The following NAALADL2 variants were observed in gnomAD, a reference collection of about 807,000 sequenced individuals.
NAALADL2 encodes N-acetylated alpha-linked acidic dipeptidase like 2.
Under a neutral mutation model 87.2 loss-of-function variants are expected in NAALADL2, and 76 were observed. The ratio of observed to expected loss-of-function variants is 0.87; its 90% CI spans 0.72 to 1.05. The LOEUF is 1.05. NAALADL2 is among the 50% of genes least tolerant of loss of function. The pLI, the probability that NAALADL2 is intolerant of heterozygous loss-of-function variation, is 0.00. For synonymous variants in NAALADL2, 354 were observed against 331.0 expected, an observed-to-expected ratio of 1.07 and a Z score of -0.75; for missense variants, 1,089 against 945.8, an observed-to-expected ratio of 1.15 and a Z score of -1.99.
At chr3:175,544,721 T>C (rs1421549222) in intron 9 of NAALADL2, among the ~76,000 whole-genome samples, 1 of 152,276 alleles carries the variant, frequency 6.6e-6, no homozygotes, top group Non-Finnish European at 1.5e-5. Context: ...CTTTCACTCC[T>C]TTTCTCCTTT....
At chr3:174,638,419 A>C (rs1009953187) in intron 2 of NAALADL2, among the ~76,000 whole-genome samples, 20 of 152,116 alleles carry the variant, frequency 1.3e-4, no homozygotes, top group African/African-American at 4.6e-4. Context: ...AAGGACCCTA[A>C]CTCTGGCTGG....
chr3:175,734,172 C>CT (rs1343246848), intron 11 of NAALADL2, among the ~76,000 whole-genome samples: 1 of 152,184 alleles, frequency 6.6e-6, no homozygotes, highest in Admixed American at 6.5e-5. Context: ...CCCCACATTT[C>CT]TTTTTTGCAG....
At chr3:175,255,360 G>A (rs773758070) in intron 3 of NAALADL2, among the ~76,000 whole-genome samples, 2 of 152,168 alleles carry the variant, frequency 1.3e-5, no homozygotes, top group African/African-American at 2.4e-5. Flanking sequence ...GAAGTATTAT[G>A]TATGAAACTT....
chr3:174,458,006 G>A (rs1319419011), intron 1 of NAALADL2, among the ~76,000 whole-genome samples: 1 of 152,148 alleles, frequency 6.6e-6, no homozygotes, highest in Non-Finnish European at 1.5e-5. Context: ...AAGGTGGGAA[G>A]AGGGAGAGGA....
chr3:174,658,593 A>T (rs1050384904), intron 2 of NAALADL2, among the ~76,000 whole-genome samples: 1 of 152,116 alleles, frequency 6.6e-6, no homozygotes, highest in African/African-American at 2.4e-5. Flanking sequence ...CGAGATGTTT[A>T]TGAGTAGGGA....
chr3:174,926,171 AG>A (rs1478336860), intron 1 of NAALADL2, among the ~76,000 whole-genome samples: 1 of 152,202 alleles, frequency 6.6e-6, no homozygotes, highest in African/African-American at 2.4e-5. Context: ...AAGAGTAAAA[AG>A]AAATGAACAA....
At chr3:175,705,024 G>T (rs16826182) in intron 11 of NAALADL2, among the ~76,000 whole-genome samples, 2,615 of 152,294 alleles carry the variant, frequency 0.017, 46 homozygotes, top group South Asian at 0.06. Context: ...TCGGAGCCTT[G>T]TATGGAAAGA....
intron 2 of NAALADL2, among the ~76,000 whole-genome samples, chr3:174,632,239 A>C (rs775578526): frequency 5.3e-5 from 8 of 152,164 alleles, no homozygotes; most frequent in Admixed American, 3.3e-4. Context: ...GGATTGTTTA[A>C]AAACGCTAAA....
intron 2 of NAALADL2, among the ~76,000 whole-genome samples, chr3:175,195,827 T>C (rs1046090847): frequency 3.3e-5 from 5 of 151,932 alleles, no homozygotes; most frequent in Non-Finnish European, 7.4e-5. Context: ...TTCAATGGTA[T>C]AATCCTTCCA....
At chr3:174,784,125 T>G (rs1716320291) in intron 3 of NAALADL2, among the ~76,000 whole-genome samples, 1 of 152,210 alleles carries the variant, frequency 6.6e-6, no homozygotes, top group South Asian at 2.1e-4. Context: ...ATCTAATCAT[T>G]TTCTTGTTCT....
rs114493555 is a variant in NAALADL2, at chr3:175,510,896, T to A, written c.1653+39138T>A. 4.0e-3 allele frequency among the ~76,000 whole-genome samples: 614 copies of A among 152,228 alleles called. 5 individuals are homozygous for A. Among genetic ancestry groups the A allele is most frequent in the African/African-American group, 0.014 (568 of 41,542 alleles). On this transcript the variant is annotated intron_variant, in intron 9 of 13. Coordinates refer to ENST00000454872, the MANE Select transcript of NAALADL2 (RefSeq NM_207015.3). ...CTTGTGAAGAGTAATGGACTTAACA[T>A]GTCCACAGCTCTTAACAGGGTGCCT...
chr3:175,283,198 A>G (rs1754536087), intron 4 of NAALADL2, among the ~76,000 whole-genome samples: 1 of 152,132 alleles, frequency 6.6e-6, no homozygotes, highest in Admixed American at 6.6e-5. Flanking sequence ...TAAGTTTACA[A>G]TATACTAAAG....
At chr3:175,722,112 T>C (rs1742321396) in intron 11 of NAALADL2, among the ~76,000 whole-genome samples, 3 of 152,072 alleles carry the variant, frequency 2.0e-5, no homozygotes, top group Admixed American at 2.0e-4. Flanking sequence ...TTAATCCCAG[T>C]TCTGGTCTTG....
intron 9 of NAALADL2, among the ~76,000 whole-genome samples, chr3:175,575,075 T>G (rs1718667920): frequency 6.6e-6 from 1 of 152,168 alleles, no homozygotes; most frequent in Non-Finnish European, 1.5e-5. Context: ...TTCGTAAAGC[T>G]GCTGTCATTT....
intron 9 of NAALADL2, among the ~76,000 whole-genome samples, chr3:175,478,040 G>C (rs768262072): frequency 2.0e-5 from 3 of 152,002 alleles, no homozygotes; most frequent in African/African-American, 7.2e-5. Context: ...CTTCCTGTAA[G>C]ATATAACAGT....
intron 4 of NAALADL2, among the ~76,000 whole-genome samples, chr3:175,277,607 C>A (rs904418395): frequency 7.2e-5 from 11 of 152,046 alleles, no homozygotes; most frequent in African/African-American, 2.2e-4. Flanking sequence ...TTAACATAAA[C>A]CTTATTGTGT....
At chr3:175,489,450 A>G (rs1482824755) in intron 9 of NAALADL2, among the ~76,000 whole-genome samples, 1 of 152,192 alleles carries the variant, frequency 6.6e-6, no homozygotes, top group East Asian at 1.9e-4. Flanking sequence ...CGGCAAACAA[A>G]TAAGGCAGAT....
intron 2 of NAALADL2, among the ~76,000 whole-genome samples, chr3:174,587,538 G>A (rs1716863671): frequency 6.6e-6 from 1 of 152,084 alleles, no homozygotes; most frequent in Non-Finnish European, 1.5e-5. Flanking sequence ...CATGTTTAGT[G>A]CTTCCTTCAG....
chr3:174,619,091 A>G (rs1720756841), intron 2 of NAALADL2, among the ~76,000 whole-genome samples: 1 of 151,956 alleles, frequency 6.6e-6, no homozygotes, highest in Admixed American at 6.6e-5. Context: ...TTAAAGCAGA[A>G]GTAAATCCTC....
Sources: allele counts gnomAD v4.1 joint callset (sites outside exome capture counted in the v4.1 genomes callset), GRCh38; gene constraint gnomAD v4.1.1; transcripts MANE v1.5; gene names NCBI Gene and HGNC (gene_info 2026-07-23, HGNC 2026-07-21).